The following PLEKHA6 variants were observed in gnomAD, a reference collection of about 807,000 sequenced individuals.
The protein encoded by PLEKHA6 is pleckstrin homology domain containing A6.
In PLEKHA6, 60 loss-of-function variants were observed where a neutral mutation model predicts 116.7. The observed-to-expected ratio is 0.51, with a 90% CI of 0.42 to 0.64. PLEKHA6 has a LOEUF of 0.64. Among genes scored for constraint, PLEKHA6 ranks in the 30% least tolerant of loss-of-function variants. The pLI, the probability that PLEKHA6 is intolerant of heterozygous loss-of-function variation, is 0.00. For synonymous variants in PLEKHA6, 489 were observed against 556.1 expected (o/e 0.88, Z 1.70); for missense variants, 1,338 against 1,422.7 (o/e 0.94, Z 0.96).
intron 1 of PLEKHA6, among the ~76,000 whole-genome samples, chr1:204,300,120 T>C (rs1670669128): frequency 6.6e-6 from 1 of 152,194 alleles, no homozygotes; most frequent in African/African-American, 2.4e-5. Flanking sequence ...TCCAATGATG[T>C]GTTAACAGCA....
intron 1 of PLEKHA6, among the ~76,000 whole-genome samples, chr1:204,337,735 A>C (rs1251754624): frequency 6.6e-6 from 1 of 152,218 alleles, no homozygotes. Context: ...AATCCAGGGA[A>C]AATGACTCAC....
rs765275415 is a variant in PLEKHA6, at chr1:204,259,371, A to G, written c.894T>C (p.Ser298=). The change falls in exon 8 of 23, where the codon AGT becomes AGC. Residue 298 remains serine (S), a synonymous_variant. Coordinates refer to ENST00000272203, the MANE Select transcript of PLEKHA6 (RefSeq NM_014935.5). The surrounding 1 kb of genome is among the most constrained non-coding windows in gnomAD (Gnocchi z 4.6). ...QDGETGGHRR[S]FPPRTNPDKI... Reference sequence around the variant, plus strand: ...TGTCAGGGTTGGTGCGTGGTGGGAAACTCCGCCGGTGTCCCCCAGTCTCTC... The same window carrying G: ...TGTCAGGGTTGGTGCGTGGTGGGAAGCTCCGCCGGTGTCCCCCAGTCTCTC... 3 of 1,614,028 alleles carry G rather than the reference A, an allele frequency of 1.9e-6. No individual in the cohort carries two copies. The Admixed American group carries it at 5.0e-5, about 27-fold the overall frequency.
chr1:204,327,480 T>A (rs1672282772), intron 1 of PLEKHA6, among the ~76,000 whole-genome samples: 1 of 152,236 alleles, frequency 6.6e-6, no homozygotes, highest in Non-Finnish European at 1.5e-5. Context: ...GGGAGCCCCT[T>A]CTTGGCCTGC....
chr1:204,248,973 G>A lies in PLEKHA6; in HGVS notation c.1675-3C>T. 1 of 1,613,692 alleles carries A rather than the reference G, an allele frequency of 6.2e-7. No individual in the cohort carries two copies. Among genetic ancestry groups the A allele is most frequent in the Non-Finnish European group, 8.5e-7 (1 of 1,179,784 alleles). Reference sequence around the variant, plus strand: ...ATCAAGGCACTTTCCAGGCTCTCCTGAAGAAAGGCAGGGGAATGACATGAG... The same window carrying A: ...ATCAAGGCACTTTCCAGGCTCTCCTAAAGAAAGGCAGGGGAATGACATGAG... On this transcript the variant is annotated splice_region_variant and splice_polypyrimidine_tract_variant and intron_variant, in intron 11 of 22. Transcript: ENST00000272203.
At chr1:204,283,042 T>G (rs948322267) in intron 1 of PLEKHA6, among the ~76,000 whole-genome samples, 1 of 152,148 alleles carries the variant, frequency 6.6e-6, no homozygotes, top group African/African-American at 2.4e-5. Flanking sequence ...CAGCTCTGAG[T>G]TGAATCTCAA....
At chr1:204,292,663 C>T (rs528884436) in intron 1 of PLEKHA6, among the ~76,000 whole-genome samples, 1 of 152,312 alleles carries the variant, frequency 6.6e-6, no homozygotes, top group South Asian at 2.1e-4. Context: ...GGTGCTCACC[C>T]AGCACTGGGT....
At chr1:204,246,438 T>C (rs575530261) in intron 13 of PLEKHA6, among the ~76,000 whole-genome samples, 12 of 152,300 alleles carry the variant, frequency 7.9e-5, no homozygotes, top group Admixed American at 1.3e-4. Context: ...CCTACTAAAA[T>C]GTCTGTGTTT....
chr1:204,247,822 GC>G (rs1663948500), intron 12 of PLEKHA6, among the ~76,000 whole-genome samples: 1 of 152,092 alleles, frequency 6.6e-6, no homozygotes, highest in Non-Finnish European at 1.5e-5. Flanking sequence ...GGGCATGGTG[GC>G]GCACCCCTGT....
intron 1 of PLEKHA6, among the ~76,000 whole-genome samples, chr1:204,316,109 C>A (rs1356865429): frequency 1.3e-5 from 2 of 152,180 alleles, no homozygotes; most frequent in Non-Finnish European, 2.9e-5. Flanking sequence ...CGAGGTGGCT[C>A]CCGCTCAATA....
chr1:204,337,428 T>A (rs1259059738), intron 1 of PLEKHA6, among the ~76,000 whole-genome samples: 1 of 152,210 alleles, frequency 6.6e-6, no homozygotes, highest in East Asian at 1.9e-4. Context: ...CCCGGCGAGA[T>A]GTCACCATTG....
chr1:204,330,645 A>G (rs1672411441), intron 1 of PLEKHA6, among the ~76,000 whole-genome samples: 1 of 152,206 alleles, frequency 6.6e-6, no homozygotes, highest in African/African-American at 2.4e-5. Context: ...CCTTCCCAGC[A>G]GAACAACTGT....
At chr1:204,268,187 A>G (rs1020649546) in intron 4 of PLEKHA6, 21 bp downstream of exon 4, 2 of 1,532,452 alleles carry the variant, frequency 1.3e-6, no homozygotes, top group Non-Finnish European at 1.8e-6. Flanking sequence ...TACGGTGGCC[A>G]GAACCGCAGG....
intron 10 of PLEKHA6, among the ~76,000 whole-genome samples, chr1:204,250,121 C>G (rs913277042): frequency 6.6e-6 from 1 of 152,322 alleles, no homozygotes; most frequent in South Asian, 2.1e-4. Flanking sequence ...CCCTGAAGCT[C>G]CCTGAAGCCA....
chr1:204,305,337 C>A (rs114817681), intron 1 of PLEKHA6, among the ~76,000 whole-genome samples: 1 of 152,164 alleles, frequency 6.6e-6, no homozygotes, highest in Non-Finnish European at 1.5e-5. Context: ...TGCAGTACTG[C>A]GGCACGCTGG....
chr1:204,286,469 G>A (rs1266532027), intron 1 of PLEKHA6, among the ~76,000 whole-genome samples: 1 of 152,096 alleles, frequency 6.6e-6, no homozygotes. Flanking sequence ...GGTGCCAGCC[G>A]GGACAGAAGC....
In PLEKHA6 at chr1:204,228,069, C is replaced by G; in HGVS notation, c.3031+14G>C. 1 of 1,610,056 alleles carries G rather than the reference C, an allele frequency of 6.2e-7. No homozygotes were observed. The highest frequency in any genetic ancestry group is 1.1e-5 in the South Asian group (1 of 90,798). On this transcript the variant is annotated intron_variant, in intron 21 of 22. Coordinates refer to ENST00000272203, the MANE Select transcript of PLEKHA6 (RefSeq NM_014935.5). This position sits in a 1 kb window ranked among gnomAD's most constrained non-coding sequence, Gnocchi z 4.0. Reference sequence around the variant, plus strand: ...TTTCCCTGGCAGGGTGGAGCGAGGCCCAGCCCCTCTCACCAGACAGCATGC... The same window carrying G: ...TTTCCCTGGCAGGGTGGAGCGAGGCGCAGCCCCTCTCACCAGACAGCATGC...
intron 1 of PLEKHA6, among the ~76,000 whole-genome samples, chr1:204,293,292 A>G (rs983307339): frequency 6.6e-6 from 1 of 151,958 alleles, no homozygotes; most frequent in Admixed American, 6.6e-5. Context: ...GTGCCACCAC[A>G]CCCAGTTAAT....
At chr1:204,264,713 C>G (rs1666559841) in intron 6 of PLEKHA6, among the ~76,000 whole-genome samples, 1 of 152,164 alleles carries the variant, frequency 6.6e-6, no homozygotes, top group Non-Finnish European at 1.5e-5. Flanking sequence ...CCACCCAACC[C>G]CCAAGAGAGG....
At position 204,261,243 on chromosome 1, in the gene PLEKHA6, G is replaced by C; in HGVS notation, c.524+63C>G. 1 of 1,580,198 alleles carries C rather than the reference G, an allele frequency of 6.3e-7. No individual in the cohort carries two copies. The highest frequency in any genetic ancestry group is 1.3e-5 in the African/African-American group (1 of 74,448). On this transcript the variant is annotated intron_variant, in intron 7 of 22. Transcript: ENST00000272203. This position sits in a 1 kb window ranked among gnomAD's most constrained non-coding sequence, Gnocchi z 4.0. The stretch of plus-strand genomic sequence containing the variant: ...GGGATTAGCAATGGCCCAGAGCTGG[G>C]TGTGTCTTCCATTCCCCTCTTTATT...
Sources: gnomAD v4.1 joint callset for allele counts (sites outside exome capture counted in the v4.1 genomes callset) on GRCh38, gnomAD v4.1.1 for gene constraint, Gnocchi (gnomAD v3.1) non-coding constraint, MANE v1.5 for transcripts, NCBI Gene and HGNC (gene_info 2026-07-23, HGNC 2026-07-21) for gene names.